The following RMC1 variants were observed in gnomAD, a reference collection of about 807,000 sequenced individuals.
RMC1 encodes regulator of MON1-CCZ1.
A neutral mutation model predicts 95.5 loss-of-function variants in RMC1; 44 were observed. The observed-to-expected ratio is 0.46, with a 90% CI of 0.36 to 0.59. The LOEUF is 0.59. Among genes scored for constraint, RMC1 ranks in the 20% least tolerant of loss-of-function variants. The pLI is 0.00. For missense variants in RMC1, 705 were observed against 819.6 expected (o/e 0.86, Z 1.71); for synonymous variants, 320 against 303.6 (o/e 1.05, Z -0.56).
rs1167199484 is a variant in RMC1, at chr18:23,529,203, A to G, written c.1321A>G (p.Ser441Gly). 1.9e-6 allele frequency: 3 copies of G among 1,613,874 alleles called. No homozygotes were observed. Reference sequence around the variant, plus strand: ...GGCGGTGGAAGCAGGGCAGAGCCGAAGCAGCCCGCTCCTCAAGAGGCCGGT... The same window carrying G: ...GGCGGTGGAAGCAGGGCAGAGCCGAGGCAGCCCGCTCCTCAAGAGGCCGGT... Reference protein sequence around the residue: ...AMAVEAGQSRSSPLLKRPVRT... With the variant: ...AMAVEAGQSRGSPLLKRPVRT... The change falls in exon 15 of 20, where the codon AGC becomes GGC. Residue 441 changes from serine to glycine, a missense_variant. Physicochemically the swap from Ser to Gly is moderately conservative, Grantham distance 56. Transcript: ENST00000269221.
chr18:23,507,079 C>T (rs187875746), intron 3 of RMC1, 25 bp downstream of exon 3: 2 of 1,421,056 alleles, frequency 1.4e-6, no homozygotes, highest in East Asian at 4.6e-5. Flanking sequence ...TAAAATACAG[C>T]ATTAAAGGGC....
chr18:23,516,093 C>G (rs980300491), intron 6 of RMC1, 97 bp downstream of exon 6: 54 of 1,553,858 alleles, frequency 3.5e-5, no homozygotes, highest in Admixed American at 8.7e-5. Context: ...ACAGGTTCCT[C>G]TAGCCGTAAC....
intron 1 of RMC1, 82 bp downstream of exon 1, chr18:23,503,802 C>T (rs1329867577): frequency 1.9e-5 from 23 of 1,189,004 alleles, no homozygotes; most frequent in Admixed American, 3.2e-5. Context: ...GCGACCAGGC[C>T]CGAGCGTCCC....
intron 10 of RMC1, among the ~76,000 whole-genome samples, chr18:23,521,097 C>T (rs1003104045): frequency 5.9e-5 from 9 of 152,004 alleles, no homozygotes; most frequent in African/African-American, 1.9e-4. Flanking sequence ...TCAGGTGATC[C>T]GCCTGCCTCG....
At chr18:23,524,570 A>T in intron 12 of RMC1, 88 bp downstream of exon 12, 1 of 1,386,306 alleles carries the variant, frequency 7.2e-7, no homozygotes, top group South Asian at 1.2e-5. Context: ...TTCAAGGTGA[A>T]TCTCTTAGAA....
At chr18:23,525,622 AC>A (rs1229026443) in intron 12 of RMC1, among the ~76,000 whole-genome samples, 1 of 151,810 alleles carries the variant, frequency 6.6e-6, no homozygotes, top group Non-Finnish European at 1.5e-5. Flanking sequence ...ACGGGGTTTC[AC>A]CATGTTGGCC....
intron 12 of RMC1, 65 bp from the exon 13 acceptor site, chr18:23,526,572 A>G: frequency 6.3e-7 from 1 of 1,579,594 alleles, no homozygotes. Context: ...GTTTAGGGGA[A>G]CCACTTTTGG....
At position 23,503,577 on chromosome 18, in the gene RMC1, G is replaced by T; in HGVS notation, c.-42G>T. The stretch of plus-strand genomic sequence containing the variant: ...CCACCGCGCATCCTGCTCCACTCTG[G>T]CGACCGCCCCCGGGGCCCCCGCCGC... On this transcript the variant is annotated 5_prime_UTR_variant, in exon 1 of 20. Coordinates refer to ENST00000269221, the MANE Select transcript of RMC1 (RefSeq NM_013326.5). 6.8e-7 allele frequency: 1 copy of T among 1,476,722 alleles called. No individual in the cohort carries two copies. Among genetic ancestry groups the T allele is most frequent in the Non-Finnish European group, 9.1e-7 (1 of 1,093,766 alleles). 91.5% of individuals were successfully genotyped at this position (1,476,722 alleles called of 1,614,324 possible).
At chr18:23,516,277 G>T (rs753591927) in intron 6 of RMC1, 43 bp from the exon 7 acceptor site, 5 of 1,585,076 alleles carry the variant, frequency 3.2e-6, no homozygotes, top group Non-Finnish European at 3.5e-6. Context: ...AAACATTGAA[G>T]GGGTTTAATA....
At chr18:23,503,479 TG>T (rs2057640241), upstream of RMC1, 3 of 410,092 alleles carry the variant, frequency 7.3e-6, no homozygotes, top group Non-Finnish European at 1.2e-5. Context: ...GGTGGGGGCG[TG>T]GCACCAGGAA....
At chr18:23,521,870 C>T (rs1041109798) in intron 10 of RMC1, among the ~76,000 whole-genome samples, 2 of 152,190 alleles carry the variant, frequency 1.3e-5, no homozygotes, top group Non-Finnish European at 2.9e-5. Context: ...GTGCCTGTCC[C>T]TCGCAGCAGT....
At chr18:23,514,591 GAACT>G (rs1408039547) in intron 5 of RMC1, among the ~76,000 whole-genome samples, 1 of 152,010 alleles carries the variant, frequency 6.6e-6, no homozygotes, top group Non-Finnish European at 1.5e-5. Flanking sequence ...ACCAATAGGA[GAACT>G]TTAAACAAAC....
chr18:23,529,387 C>A, intron 15 of RMC1, 89 bp downstream of exon 15: 1 of 1,503,270 alleles, frequency 6.7e-7, no homozygotes. Flanking sequence ...TGATTAGAGT[C>A]ACTTGAAGTG....
At chr18:23,524,370 A>G in intron 11 of RMC1, 59 bp from the exon 12 acceptor site, 1 of 1,591,518 alleles carries the variant, frequency 6.3e-7, no homozygotes, top group Non-Finnish European at 8.6e-7. Flanking sequence ...TGCTAGCGGA[A>G]ACTGGGTTTG....
rs763346343 is a variant in RMC1 at position 23,503,587 on chromosome 18, C to T, written c.-32C>T. 13 of 1,524,930 alleles carry T rather than the reference C, an allele frequency of 8.5e-6. No individual in the cohort carries two copies. In the Admixed American group the frequency reaches 1.2e-4, roughly 14 times the overall value. 94.5% of individuals were successfully genotyped at this position (1,524,930 alleles called of 1,614,324 possible). A position where few individuals can be genotyped will look rare whatever the true frequency, so the allele number is the denominator to read the frequency against. On this transcript the variant is annotated 5_prime_UTR_variant, in exon 1 of 20. Coordinates refer to ENST00000269221, the MANE Select transcript of RMC1 (RefSeq NM_013326.5). Reference sequence around the variant, plus strand: ...TCCTGCTCCACTCTGGCGACCGCCCCCGGGGCCCCCGCCGCGGGCGCGGCG... The same window carrying T: ...TCCTGCTCCACTCTGGCGACCGCCCTCGGGGCCCCCGCCGCGGGCGCGGCG...
In RMC1 at chr18:23,504,417, G is replaced by A. The variant is rs1379967633; in HGVS notation, c.149G>A (p.Gly50Asp). The A allele has an allele frequency of 6.2e-7, 1 of 1,614,112 alleles. No homozygotes were observed. The highest frequency in any genetic ancestry group is 1.7e-5 in the Admixed American group (1 of 60,012). The change falls in exon 2 of 20, where the codon GGC becomes GAC. Residue 50 changes from glycine (G) to aspartate (D), a missense_variant. Gly to Asp is a moderately conservative substitution (Grantham distance 94). Coordinates refer to ENST00000269221, the MANE Select transcript of RMC1 (RefSeq NM_013326.5). The stretch of plus-strand genomic sequence containing the variant: ...GGAGCTACTGGCGTGGTAGTTAAAG[G>A]CCCAGATGATAGGAATCCCATCTCA... ...SGGATGVVVK[G>D]PDDRNPISFR... is the part of the protein sequence containing the mutation.
At position 23,516,431 on chromosome 18, in the gene RMC1, C is replaced by T. The variant is rs780557357; in HGVS notation, c.653+8C>T. 22 of 1,612,168 alleles carry T rather than the reference C, an allele frequency of 1.4e-5. No homozygotes were observed. The highest frequency in any genetic ancestry group is 2.7e-5 in the African/African-American group (2 of 75,008). On this transcript the variant is annotated splice_region_variant and intron_variant, in intron 7 of 19. Transcript: ENST00000269221. ...CATCGCAATGGCTACCATGTATGTC[C>T]GTGTCAGAGAGAATTCCATCCTGTG...
intron 5 of RMC1, among the ~76,000 whole-genome samples, chr18:23,515,287 G>A (rs1383975123): frequency 1.3e-5 from 2 of 152,198 alleles, no homozygotes; most frequent in Admixed American, 6.5e-5. Context: ...TTGTTAAGGG[G>A]CAGGTTCCCT....
chr18:23,526,728 G>A lies in RMC1; in HGVS notation c.1152G>A (p.Lys384=). The A allele has an allele frequency of 6.2e-7, 1 of 1,614,138 alleles. No homozygotes were observed. Among genetic ancestry groups the A allele is most frequent in the Non-Finnish European group, 8.5e-7 (1 of 1,180,032 alleles). The change falls in exon 13 of 20, where the codon AAG becomes AAA. Residue 384 remains lysine, a synonymous_variant. Coordinates refer to ENST00000269221, the MANE Select transcript of RMC1 (RefSeq NM_013326.5). ...GRLMDFLLQR[K]ECKMVILSVC... ...TCATGGACTTTCTCCTCCAGAGAAAGGAATGCAAGATGGTCATCCTGTCTG... is the reference window on the plus strand; with the variant it reads ...TCATGGACTTTCTCCTCCAGAGAAAAGAATGCAAGATGGTCATCCTGTCTG...
Sources: allele counts gnomAD v4.1 joint callset (sites outside exome capture counted in the v4.1 genomes callset), GRCh38; gene constraint gnomAD v4.1.1; transcripts MANE v1.5; gene names NCBI Gene and HGNC (gene_info 2026-07-23, HGNC 2026-07-21).